Variants in ATP7A observed in about 807,000 individuals in gnomAD.
ATP7A encodes the protein ATPase copper transporting alpha, also known as copper-transporting ATPase 1.
ATP7A carries 7 observed loss-of-function variants against 83.5 expected under a neutral mutation model. The ratio of observed to expected loss-of-function variants is 0.08; its 90% CI spans 0.05 to 0.16. The LOEUF (loss-of-function observed/expected upper bound fraction) is 0.16, where lower values mean the gene tolerates loss of function less well. Among genes scored for constraint, ATP7A ranks in the 10% least tolerant of loss-of-function variants. ATP7A has a pLI of 1.00. For synonymous variants in ATP7A, 354 were observed against 395.2 expected (o/e 0.90, Z 1.24); for missense variants, 940 against 1,120.8 (o/e 0.84, Z 2.30).
intron 2 of ATP7A, among the ~76,000 whole-genome samples, chrX:77,981,375 G>A (rs1317950997): frequency 8.9e-6 from 1 of 112,087 alleles, no homozygotes; most frequent in Non-Finnish European, 1.9e-5. Flanking sequence ...CCAAAGGAAG[G>A]TCAAATCCAA....
At chrX:78,010,068 T>A (rs782156279) in intron 7 of ATP7A, among the ~76,000 whole-genome samples, 3 of 112,633 alleles carry the variant, frequency 2.7e-5, no homozygotes, top group Admixed American at 1.9e-4. Flanking sequence ...TTTAAAGCAT[T>A]TTATTAGTTC....
At chrX:78,037,655 A>T (rs1315787049) in intron 17 of ATP7A, among the ~76,000 whole-genome samples, 4 of 112,063 alleles carry the variant, frequency 3.6e-5, no homozygotes, top group Non-Finnish European at 7.5e-5. Flanking sequence ...ACCCCTAAGA[A>T]TGTGGTATCC....
rs368261204 is a variant in ATP7A at position 78,014,745 on chromosome X, C to T, written c.2490C>T (p.Ile830=). The change falls in exon 11 of 23, where the codon ATC becomes ATT. Residue 830 remains isoleucine, a synonymous_variant. Coordinates refer to ENST00000341514, the MANE Select transcript of ATP7A (RefSeq NM_000052.7). ...TTGTAACTCTTGATTCTGATAATAT[C>T]CTCCTCAGGTATTTATCTTCACTCT... The part of the protein sequence containing the change: ...ATIVTLDSDN[I]LLSEEQVDVE... 4 of 1,192,896 alleles carry T rather than the reference C, an allele frequency of 3.4e-6. No individual in the cohort carries two copies. Among genetic ancestry groups the T allele is most frequent in the Non-Finnish European group, 4.5e-6 (4 of 880,138 alleles).
chrX:77,977,379 G>A (rs1221846613), intron 2 of ATP7A, among the ~76,000 whole-genome samples: 4 of 111,798 alleles, frequency 3.6e-5, no homozygotes, highest in Non-Finnish European at 7.5e-5. Context: ...TTAACCATTT[G>A]GAAACTAGTT....
At chrX:77,917,653 C>T (rs1441606496) in intron 1 of ATP7A, among the ~76,000 whole-genome samples, 1 of 112,205 alleles carries the variant, frequency 8.9e-6, no homozygotes, top group Non-Finnish European at 1.9e-5. Flanking sequence ...AATACATTTG[C>T]CTGTCTTTTG....
intron 5 of ATP7A, among the ~76,000 whole-genome samples, chrX:78,002,189 C>T (rs2077744025): frequency 9.2e-6 from 1 of 108,525 alleles, no homozygotes; most frequent in Non-Finnish European, 1.9e-5. Flanking sequence ...CCCACCTCAG[C>T]TTCCTGAGTA....
At chrX:77,962,526 C>T (rs1297315971) in intron 1 of ATP7A, 2 of 271,768 alleles carry the variant, frequency 7.4e-6, no homozygotes, top group Admixed American at 4.3e-5. Context: ...ACCTGGACAC[C>T]CTCCACTGTT....
chrX:77,938,998 T>C lies in ATP7A; in HGVS notation c.-22+28163T>C, dbSNP rs1441596461. On this transcript the variant is annotated intron_variant, in intron 1 of 22. Transcript: ENST00000341514. ...TTCCCATTTTATTAGTCTTTTAACT[T>C]ATATCCACTTATTTTGGCTGGGCGT... Among the ~76,000 whole-genome samples the C allele has an allele frequency of 2.7e-5, 3 of 112,076 alleles. No homozygotes were observed. In the Admixed American group the frequency reaches 2.9e-4, roughly 11 times the overall value.
At chrX:78,032,007 C>G (rs1214362820) in intron 16 of ATP7A, among the ~76,000 whole-genome samples, 1 of 112,007 alleles carries the variant, frequency 8.9e-6, no homozygotes, top group Non-Finnish European at 1.9e-5. Context: ...CTATAAAGTT[C>G]ACCTTTTTAA....
chrX:78,007,956 T>G (rs1272988445), intron 6 of ATP7A, among the ~76,000 whole-genome samples: 4 of 112,552 alleles, frequency 3.6e-5, no homozygotes, highest in Non-Finnish European at 7.5e-5. Flanking sequence ...TTTTAGTTAT[T>G]TTTAAATGTA....
chrX:78,036,817 G>A (rs2078016868), intron 17 of ATP7A, among the ~76,000 whole-genome samples: 1 of 111,629 alleles, frequency 9.0e-6, no homozygotes, highest in African/African-American at 3.3e-5. Flanking sequence ...TTCGGGGCAA[G>A]GGCAGAAGCA....
At chrX:78,015,929 A>C (rs1557235118) in intron 12 of ATP7A, 48 bp downstream of exon 12, 1 of 1,185,410 alleles carries the variant, frequency 8.4e-7, no homozygotes, top group Non-Finnish European at 1.1e-6. Context: ...AAAAATAGAC[A>C]TGAAAGATGA....
chrX:78,003,226 T>C lies in ATP7A; in HGVS notation c.1697T>C (p.Leu566Ser). 1 of 1,210,017 alleles carries C rather than the reference T, an allele frequency of 8.3e-7. No homozygotes were observed. Among genetic ancestry groups the C allele is most frequent in the Non-Finnish European group, 1.1e-6 (1 of 894,229 alleles). ...AATGCTGATGAAGGAGATGGTGTTT[T>C]GGAACTTGTTGTAAGTAAGATTTTT... is the stretch of plus-strand genomic sequence containing the variant. ...IENADEGDGVLELVVRGMTCA... is the reference protein window; with the variant it reads ...IENADEGDGVSELVVRGMTCA... Residue 566 changes from leucine to serine, a missense_variant, in exon 6 of 23, where the codon TTG becomes TCG. This residue lies in a region of ATP7A where 350 missense variants were observed against 432.8 expected (regional missense o/e 0.81). Coordinates refer to ENST00000341514, the MANE Select transcript of ATP7A (RefSeq NM_000052.7).
intron 1 of ATP7A, among the ~76,000 whole-genome samples, chrX:77,919,513 C>T (rs186216712): frequency 2.6e-3 from 286 of 111,735 alleles, no homozygotes; most frequent in Non-Finnish European, 3.6e-3. Context: ...TTTTTTGAGA[C>T]GAAGTCTCAC....
chrX:78,007,451 G>C (rs1466494539), intron 6 of ATP7A, among the ~76,000 whole-genome samples: 1 of 110,796 alleles, frequency 9.0e-6, no homozygotes, highest in Non-Finnish European at 1.9e-5. Flanking sequence ...TCAGCCTACC[G>C]AGTAGCTGGG....
chrX:77,972,128 G>A (rs1368548305), intron 2 of ATP7A, among the ~76,000 whole-genome samples: 1 of 111,069 alleles, frequency 9.0e-6, no homozygotes, highest in Non-Finnish European at 1.9e-5. Flanking sequence ...ATAACATGGT[G>A]ATTATTTTGC....
At chrX:77,944,778 G>T (rs1266190103) in intron 1 of ATP7A, among the ~76,000 whole-genome samples, 2 of 110,221 alleles carry the variant, frequency 1.8e-5, no homozygotes, top group African/African-American at 3.3e-5. Flanking sequence ...ACTTAGCTTT[G>T]TGGACAGTTG....
chrX:78,013,518 A>T (rs930737700), intron 10 of ATP7A, among the ~76,000 whole-genome samples: 3 of 111,732 alleles, frequency 2.7e-5, no homozygotes, highest in African/African-American at 9.7e-5. Flanking sequence ...TAGTATTCAT[A>T]CTACTTTGTA....
At chrX:78,046,191 A>G in intron 22 of ATP7A, 103 bp from the exon 23 acceptor site, 1 of 993,057 alleles carries the variant, frequency 1.0e-6, no homozygotes, top group Non-Finnish European at 1.4e-6. Flanking sequence ...ATTTCATACC[A>G]AAACTAAGTG....
Sources: gnomAD v4.1 joint callset for allele counts (sites outside exome capture counted in the v4.1 genomes callset) on GRCh38, gnomAD v4.1.1 for gene constraint, gnomAD v4.1.1 regional missense constraint, MANE v1.5 for transcripts, NCBI Gene and HGNC (gene_info 2026-07-23, HGNC 2026-07-21) for gene names.